Variants in DLG2 observed in about 807,000 individuals in gnomAD.
The protein encoded by DLG2 is discs large MAGUK scaffold protein 2.
Under a neutral mutation model 132.5 loss-of-function variants are expected in DLG2, and 45 were observed. The ratio of observed to expected loss-of-function variants is 0.34; its 90% confidence interval spans 0.27 to 0.44. DLG2 has a LOEUF of 0.44. DLG2 is among the 20% of genes least tolerant of loss of function. The pLI is 1.00. For synonymous variants in DLG2, 424 were observed against 419.6 expected (o/e 1.01, Z -0.13); for missense variants, 1,045 against 1,196.9 (o/e 0.87, Z 1.87).
At chr11:85,313,802 T>C (rs1445932530) in intron 3 of DLG2, among the ~76,000 whole-genome samples, 1 of 151,944 alleles carries the variant, frequency 6.6e-6, no homozygotes, top group Non-Finnish European at 1.5e-5. Flanking sequence ...TTAAAAACTC[T>C]TGAGCAATAA....
intron 10 of DLG2, among the ~76,000 whole-genome samples, chr11:84,070,607 C>G (rs895032818): frequency 6.6e-6 from 1 of 152,200 alleles, no homozygotes; most frequent in South Asian, 2.1e-4. Flanking sequence ...CATAATTGTA[C>G]ATTTTCTCAG....
chr11:84,831,834 C>T (rs185544114), intron 6 of DLG2, among the ~76,000 whole-genome samples: 17 of 151,728 alleles, frequency 1.1e-4, no homozygotes, highest in African/African-American at 3.9e-4. Flanking sequence ...TTTAGAAGTG[C>T]AGTTTCGTGG....
chr11:84,406,528 T>C (rs954380363), intron 7 of DLG2, among the ~76,000 whole-genome samples: 9 of 152,136 alleles, frequency 5.9e-5, no homozygotes, highest in African/African-American at 2.2e-4. Context: ...TTTGTAGAGA[T>C]GGGGTTTCAC....
intron 3 of DLG2, among the ~76,000 whole-genome samples, chr11:85,431,837 C>T (rs1272294632): frequency 1.3e-5 from 2 of 152,238 alleles, no homozygotes; most frequent in Non-Finnish European, 2.9e-5. Context: ...TTAAACAGGT[C>T]CTGCTTCCTA....
intron 6 of DLG2, among the ~76,000 whole-genome samples, chr11:84,674,923 C>T (rs1201071526): frequency 1.3e-5 from 2 of 152,138 alleles, no homozygotes; most frequent in African/African-American, 4.8e-5. Context: ...CTTTTTCCCA[C>T]AAGACAGTTG....
intron 8 of DLG2, among the ~76,000 whole-genome samples, chr11:84,179,445 G>T (rs534049019): frequency 6.6e-5 from 10 of 152,172 alleles, no homozygotes; most frequent in Admixed American, 6.6e-4. Flanking sequence ...TACCTCTTTG[G>T]GAACCAGTGC....
intron 21 of DLG2, among the ~76,000 whole-genome samples, chr11:83,513,319 A>T (rs2095136776): frequency 6.6e-6 from 1 of 152,200 alleles, no homozygotes; most frequent in Non-Finnish European, 1.5e-5. Context: ...GGTAGCATAA[A>T]TGTCTTCTTT....
chr11:84,220,780 CTTTTTTTTTT>C (rs5793114), intron 8 of DLG2, among the ~76,000 whole-genome samples: 1 of 77,504 alleles, frequency 1.3e-5, no homozygotes, highest in African/African-American at 4.8e-5. Context: ...TTTTTCTTTT[CTTTTTTTTTT>C]TTTTTTTTTT....
At chr11:83,600,998 T>C (rs973993409) in intron 19 of DLG2, among the ~76,000 whole-genome samples, 6 of 152,196 alleles carry the variant, frequency 3.9e-5, no homozygotes, top group Non-Finnish European at 7.4e-5. Context: ...GAAGTTTCAG[T>C]TGTCATTTAG....
At chr11:84,312,692 T>C (rs1330174804) in intron 7 of DLG2, among the ~76,000 whole-genome samples, 1 of 152,240 alleles carries the variant, frequency 6.6e-6, no homozygotes, top group Admixed American at 6.5e-5. Flanking sequence ...TTGTATATCA[T>C]GGTATACATG....
At chr11:83,567,495 A>T (rs1343876772) in intron 19 of DLG2, among the ~76,000 whole-genome samples, 1 of 152,194 alleles carries the variant, frequency 6.6e-6, no homozygotes, top group Non-Finnish European at 1.5e-5. Context: ...TCCAAAGAAC[A>T]TTAAGTATTT....
At chr11:83,937,844 A>T (rs2081844884) in intron 14 of DLG2, among the ~76,000 whole-genome samples, 1 of 152,220 alleles carries the variant, frequency 6.6e-6, no homozygotes. Context: ...TGAAACAGAC[A>T]CTATATTGCT....
chr11:84,389,179 T>C (rs1247572711), intron 7 of DLG2, among the ~76,000 whole-genome samples: 1 of 152,116 alleles, frequency 6.6e-6, no homozygotes, highest in African/African-American at 2.4e-5. Context: ...AAGTCCAATA[T>C]AAAGGGTATT....
chr11:83,827,733 A>AT (rs1331001049), intron 17 of DLG2, among the ~76,000 whole-genome samples: 1 of 151,820 alleles, frequency 6.6e-6, no homozygotes, highest in Non-Finnish European at 1.5e-5. Context: ...TCTGTTTCAC[A>AT]TTTTTTCCTA....
chr11:85,001,134 C>T (rs2058167785), intron 6 of DLG2, among the ~76,000 whole-genome samples: 2 of 151,880 alleles, frequency 1.3e-5, no homozygotes, highest in Admixed American at 1.3e-4. Flanking sequence ...CACTCTGGCA[C>T]CGAGACTAGA....
intron 11 of DLG2, among the ~76,000 whole-genome samples, chr11:84,037,663 T>C (rs1179138450): frequency 6.6e-6 from 1 of 152,092 alleles, no homozygotes; most frequent in Non-Finnish European, 1.5e-5. Context: ...TGGCTTATGG[T>C]GGTAGATACT....
At chr11:85,348,179 G>A (rs1162829255) in intron 3 of DLG2, among the ~76,000 whole-genome samples, 1 of 149,462 alleles carries the variant, frequency 6.7e-6, no homozygotes, top group African/African-American at 2.5e-5. Context: ...TAGAGACAGG[G>A]TTTCACCATG....
intron 6 of DLG2, among the ~76,000 whole-genome samples, chr11:84,848,052 G>A (rs1428574072): frequency 6.6e-6 from 1 of 152,146 alleles, no homozygotes; most frequent in Non-Finnish European, 1.5e-5. Flanking sequence ...AAATGAGTCA[G>A]AGGATGGAGC....
At chr11:84,487,760 C>T (rs546826561) in intron 7 of DLG2, among the ~76,000 whole-genome samples, 7 of 152,010 alleles carry the variant, frequency 4.6e-5, no homozygotes, top group African/African-American at 1.7e-4. Flanking sequence ...AAGGACACAG[C>T]TGGGAAAAAT....
Sources: allele counts gnomAD v4.1 joint callset (sites outside exome capture counted in the v4.1 genomes callset), GRCh38; gene constraint gnomAD v4.1.1; transcripts MANE v1.5; gene names NCBI Gene and HGNC (gene_info 2026-07-23, HGNC 2026-07-21).